The following SH3RF2 variants were observed in gnomAD, a reference collection of about 807,000 sequenced individuals.
SH3RF2 encodes the protein SH3 domain containing ring finger 2.
A neutral mutation model predicts 59.0 loss-of-function variants in SH3RF2; 43 were observed. The observed-to-expected ratio is 0.73, with a 90% CI of 0.57 to 0.94. SH3RF2 has a LOEUF of 0.94. SH3RF2 is among the 40% of genes least tolerant of loss of function. SH3RF2 has a pLI of 0.00. For missense variants in SH3RF2, 930 were observed against 940.1 expected (o/e 0.99, Z 0.14); for synonymous variants, 391 against 391.5 (o/e 1.00, Z 0.01).
chr5:146,011,346 T>A (rs1008980012), intron 4 of SH3RF2, among the ~76,000 whole-genome samples: 4 of 152,198 alleles, frequency 2.6e-5, no homozygotes, highest in African/African-American at 7.2e-5. Flanking sequence ...TGGCTTAGGA[T>A]TGACTCGGCA....
At chr5:146,015,274 G>T (rs1761059105) in intron 5 of SH3RF2, among the ~76,000 whole-genome samples, 1 of 152,032 alleles carries the variant, frequency 6.6e-6, no homozygotes, top group Admixed American at 6.6e-5. Flanking sequence ...GAAGTTGGCT[G>T]CTCATGTAAT....
chr5:146,061,970 T>C (rs535248621), intron 9 of SH3RF2, among the ~76,000 whole-genome samples: 9 of 152,218 alleles, frequency 5.9e-5, no homozygotes, highest in African/African-American at 2.2e-4. Context: ...GCTCTAAGGA[T>C]TTATAAGGCC....
At chr5:146,057,984 C>CTATATA (rs751628879) in intron 8 of SH3RF2, among the ~76,000 whole-genome samples, 15 of 145,740 alleles carry the variant, frequency 1.0e-4, no homozygotes, top group African/African-American at 4.0e-4. Flanking sequence ...ATCTATCTAT[C>CTATATA]TATATATATA....
chr5:145,950,574 A>G (rs992794900), intron 2 of SH3RF2, among the ~76,000 whole-genome samples: 8 of 152,170 alleles, frequency 5.3e-5, no homozygotes, highest in Non-Finnish European at 1.0e-4. Context: ...GAAAAGAGGG[A>G]GCTAGAGAAG....
At chr5:145,964,136 C>G (rs112818763) in intron 2 of SH3RF2, among the ~76,000 whole-genome samples, 3 of 151,354 alleles carry the variant, frequency 2.0e-5, no homozygotes, top group Admixed American at 2.0e-4. Flanking sequence ...CCGGCCTCTT[C>G]CTTTCTTTCC....
chr5:146,028,860 G>A (rs967541724), intron 5 of SH3RF2, among the ~76,000 whole-genome samples: 13 of 152,166 alleles, frequency 8.5e-5, no homozygotes, highest in African/African-American at 3.1e-4. Flanking sequence ...CAGGTAGGAT[G>A]GGGAGACTTG....
chr5:145,949,422 G>A (rs1380565684), intron 2 of SH3RF2, among the ~76,000 whole-genome samples: 1 of 152,206 alleles, frequency 6.6e-6, no homozygotes, highest in African/African-American at 2.4e-5. Context: ...AAAGGTGTTC[G>A]TCTGTGATAT....
At chr5:146,032,003 G>A (rs1761762053) in intron 5 of SH3RF2, among the ~76,000 whole-genome samples, 1 of 152,164 alleles carries the variant, frequency 6.6e-6, no homozygotes, top group South Asian at 2.1e-4. Flanking sequence ...CATAGCCAAG[G>A]TCCCCCAGCC....
chr5:146,017,016 C>T (rs1761129486), intron 5 of SH3RF2, among the ~76,000 whole-genome samples: 1 of 152,144 alleles, frequency 6.6e-6, no homozygotes, highest in South Asian at 2.1e-4. Context: ...AGTCTCAAAC[C>T]CCAAGGGGTA....
intron 4 of SH3RF2, among the ~76,000 whole-genome samples, chr5:146,006,618 G>C (rs917918724): frequency 5.3e-5 from 8 of 152,026 alleles, no homozygotes; most frequent in African/African-American, 1.2e-4. Context: ...GGAAGTACCA[G>C]AGCTGGAGCT....
chr5:146,018,566 T>C (rs553709001), intron 5 of SH3RF2, among the ~76,000 whole-genome samples: 1 of 152,200 alleles, frequency 6.6e-6, no homozygotes, highest in South Asian at 2.1e-4. Context: ...TGATTCCGTA[T>C]CTTTGCAATT....
downstream of SH3RF2, among the ~76,000 whole-genome samples, chr5:146,065,174 A>AT (rs1228643770): frequency 6.6e-6 from 1 of 152,226 alleles, no homozygotes; most frequent in African/African-American, 2.4e-5. Flanking sequence ...CTTTGGGTCA[A>AT]TATCTGATGT....
intron 5 of SH3RF2, among the ~76,000 whole-genome samples, chr5:146,017,903 C>T (rs1216011733): frequency 6.6e-6 from 1 of 152,050 alleles, no homozygotes; most frequent in Admixed American, 6.6e-5. Flanking sequence ...TCCTTTCAGC[C>T]ACTTCTCTTC....
Position 146,062,530 on chromosome 5 carries a change from G to A in SH3RF2, c.2019G>A (p.Ala673=), listed in dbSNP as rs548809893. 86 of 1,614,102 alleles carry A rather than the reference G, an allele frequency of 5.3e-5. 1 individual carries two copies. The highest frequency in any genetic ancestry group is 1.1e-4 in the African/African-American group (8 of 74,992). ...GKPEQPATLK[A]SQPEAASLGP... ...CTGAACAGCCAGCCACCCTCAAGGCGTCCCAGCCTGAAGCAGCGTCCTTGG... is the reference window on the plus strand; with the variant it reads ...CTGAACAGCCAGCCACCCTCAAGGCATCCCAGCCTGAAGCAGCGTCCTTGG... Residue 673 remains alanine (A), a synonymous_variant, in exon 10 of 10, where the codon GCG becomes GCA. Coordinates refer to ENST00000359120, the MANE Select transcript of SH3RF2 (RefSeq NM_152550.4).
At chr5:145,953,185 T>C (rs1758259225) in intron 2 of SH3RF2, among the ~76,000 whole-genome samples, 1 of 152,066 alleles carries the variant, frequency 6.6e-6, no homozygotes, top group Non-Finnish European at 1.5e-5. Context: ...ATGTGTCTGC[T>C]ATATAAACTA....
chr5:145,943,654 C>T (rs17491085), intron 2 of SH3RF2, among the ~76,000 whole-genome samples: 8,592 of 152,198 alleles, frequency 0.056, 301 homozygotes, highest in Non-Finnish European at 0.079. Flanking sequence ...CAGTGGGTTC[C>T]TCCGTGTTGT....
At chr5:145,973,417 C>A (rs1380886804) in intron 2 of SH3RF2, among the ~76,000 whole-genome samples, 3 of 152,156 alleles carry the variant, frequency 2.0e-5, no homozygotes, top group African/African-American at 7.2e-5. Context: ...GGGTCAGAAA[C>A]CAATTGAACT....
intron 2 of SH3RF2, among the ~76,000 whole-genome samples, chr5:145,972,101 C>A (rs567470090): frequency 1.6e-4 from 24 of 152,212 alleles, no homozygotes; most frequent in Non-Finnish European, 3.4e-4. Flanking sequence ...AAAAAATATG[C>A]TTCTTGGAAT....
rs769893835 is a variant in SH3RF2, at chr5:146,060,152, G to A, written c.1842G>A (p.Leu614=). The A allele has an allele frequency of 1.4e-5, 22 of 1,614,088 alleles. No homozygotes were observed. The highest frequency in any genetic ancestry group is 1.7e-5 in the Non-Finnish European group (20 of 1,179,986). The change falls in exon 9 of 10, where the codon CTG becomes CTA. Residue 614 remains leucine (L), a synonymous_variant. Transcript: ENST00000359120. ...DKEIPIKSEP[L]PKPPASAPPS... ...AAATCCCCATCAAGAGTGAGCCTCTGCCAAAACCGCCCGCATCTGCCCCAC... is the reference window on the plus strand; with the variant it reads ...AAATCCCCATCAAGAGTGAGCCTCTACCAAAACCGCCCGCATCTGCCCCAC...
Sources: gnomAD v4.1 joint callset for allele counts (sites outside exome capture counted in the v4.1 genomes callset) on GRCh38, gnomAD v4.1.1 for gene constraint, MANE v1.5 for transcripts, NCBI Gene and HGNC (gene_info 2026-07-23, HGNC 2026-07-21) for gene names.